Variants in NTNG1 observed in about 807,000 individuals in gnomAD.
NTNG1 encodes netrin-G1.
Under a neutral mutation model 54.0 loss-of-function variants are expected in NTNG1, and 16 were observed. The observed-to-expected ratio is 0.30, with a 90% CI of 0.20 to 0.45. The LOEUF (loss-of-function observed/expected upper bound fraction) is 0.45, where lower values mean the gene tolerates loss of function less well. NTNG1 is among the 20% of genes least tolerant of loss of function. NTNG1 has a pLI of 1.00. For synonymous variants in NTNG1, 255 were observed against 263.1 expected, an observed-to-expected ratio of 0.97 and a Z score of 0.30; for missense variants, 530 against 678.7, an observed-to-expected ratio of 0.78 and a Z score of 2.43.
At chr1:107,277,004 A>T (rs1363764632) in intron 2 of NTNG1, among the ~76,000 whole-genome samples, 1 of 152,142 alleles carries the variant, frequency 6.6e-6, no homozygotes, top group Non-Finnish European at 1.5e-5. Context: ...GGAGGCTGGG[A>T]AATTTGTCAG....
chr1:107,238,762 C>T (rs1292439915), intron 2 of NTNG1, among the ~76,000 whole-genome samples: 1 of 151,688 alleles, frequency 6.6e-6, no homozygotes, highest in Non-Finnish European at 1.5e-5. Context: ...GAGGTCTCCC[C>T]AGCCATGTGG....
intron 2 of NTNG1, among the ~76,000 whole-genome samples, chr1:107,241,308 A>G (rs887135664): frequency 1.2e-4 from 19 of 152,180 alleles, no homozygotes; most frequent in Non-Finnish European, 2.8e-4. Context: ...CTGCATAATG[A>G]CATTTGCTCT....
At chr1:107,288,412 A>G (rs368666272) in intron 2 of NTNG1, among the ~76,000 whole-genome samples, 2 of 152,206 alleles carry the variant, frequency 1.3e-5, no homozygotes, top group African/African-American at 4.8e-5. Flanking sequence ...AGGCATTTGC[A>G]TTGAAGTACA....
rs544367274 is a variant in NTNG1, at chr1:107,278,607, A to G, written c.247-45675A>G. Among the ~76,000 whole-genome samples the G allele has an allele frequency of 3.7e-4, 57 of 152,246 alleles. No individual in the cohort carries two copies. In the South Asian group the frequency reaches 0.012, roughly 31 times the overall value. On this transcript the variant is annotated intron_variant, in intron 2 of 7. Coordinates refer to ENST00000370068, the MANE Select transcript of NTNG1 (RefSeq NM_001113226.3). ...TTTAGGCTTTTCTGTTTTTGTTCTT[A>G]TGGTGAATTTATCTCCATAACCTCT... is the stretch of plus-strand genomic sequence containing the variant.
At chr1:107,185,606 T>C (rs1180077251) in intron 2 of NTNG1, among the ~76,000 whole-genome samples, 1 of 152,180 alleles carries the variant, frequency 6.6e-6, no homozygotes, top group Non-Finnish European at 1.5e-5. Context: ...TGGCTATGAA[T>C]TTTTGTGGGA....
chr1:107,480,503 T>C (rs981562996), intron 7 of NTNG1, 108 bp from the exon 8 acceptor site: 15 of 697,618 alleles, frequency 2.2e-5, no homozygotes, highest in Admixed American at 1.2e-4. Flanking sequence ...CAAAGATCGA[T>C]AGAGATTTTT....
chr1:107,419,110 C>T (rs950903820), intron 5 of NTNG1, among the ~76,000 whole-genome samples: 2 of 151,800 alleles, frequency 1.3e-5, no homozygotes, highest in African/African-American at 4.8e-5. Flanking sequence ...TATTGACTTG[C>T]AAAAATTTGG....
intron 3 of NTNG1, among the ~76,000 whole-genome samples, chr1:107,332,474 C>A (rs1162140894): frequency 6.6e-6 from 1 of 152,086 alleles, no homozygotes; most frequent in African/African-American, 2.4e-5. Context: ...CATGCCCAAA[C>A]AATGGGAGGC....
At chr1:107,200,730 T>C (rs1305339079) in intron 2 of NTNG1, among the ~76,000 whole-genome samples, 1 of 151,902 alleles carries the variant, frequency 6.6e-6, no homozygotes, top group African/African-American at 2.4e-5. Context: ...TGATTTTCTA[T>C]TTGAAAAATC....
At chr1:107,381,591 T>G (rs1671651125) in intron 3 of NTNG1, among the ~76,000 whole-genome samples, 1 of 152,208 alleles carries the variant, frequency 6.6e-6, no homozygotes, top group Non-Finnish European at 1.5e-5. Context: ...TTGTTTTGCA[T>G]CCAGTCTAGC....
chr1:107,449,600 CA>C (rs1360476620), intron 7 of NTNG1, among the ~76,000 whole-genome samples: 1 of 151,776 alleles, frequency 6.6e-6, no homozygotes, highest in Non-Finnish European at 1.5e-5. Context: ...CCTAGATGGT[CA>C]GTGATTTCTG....
chr1:107,351,074 T>G (rs1669569413), intron 3 of NTNG1, among the ~76,000 whole-genome samples: 1 of 152,264 alleles, frequency 6.6e-6, no homozygotes, highest in Non-Finnish European at 1.5e-5. Flanking sequence ...TGTTTATACA[T>G]GTCAAATTAT....
intron 7 of NTNG1, among the ~76,000 whole-genome samples, chr1:107,448,937 A>G (rs1019552256): frequency 1.3e-5 from 2 of 152,138 alleles, no homozygotes; most frequent in African/African-American, 4.8e-5. Context: ...TTATGAATAT[A>G]TCAAAAGGAA....
chr1:107,283,048 A>G (rs1299406868), intron 2 of NTNG1, among the ~76,000 whole-genome samples: 2 of 152,014 alleles, frequency 1.3e-5, no homozygotes, highest in Non-Finnish European at 1.5e-5. Flanking sequence ...TCACCTCTCA[A>G]AGGCCCCACT....
At chr1:107,224,619 C>T (rs768735516) in intron 2 of NTNG1, among the ~76,000 whole-genome samples, 2 of 152,076 alleles carry the variant, frequency 1.3e-5, no homozygotes, top group Admixed American at 6.6e-5. Flanking sequence ...TTGTTGGTCC[C>T]TAGAGCGTTT....
intron 2 of NTNG1, among the ~76,000 whole-genome samples, chr1:107,315,264 C>G (rs1667270024): frequency 6.6e-6 from 1 of 152,140 alleles, no homozygotes; most frequent in African/African-American, 2.4e-5. Flanking sequence ...ACTCCTCGCA[C>G]CCCGTATCAA....
chr1:107,360,440 A>G (rs187680052), intron 3 of NTNG1, among the ~76,000 whole-genome samples: 16 of 152,300 alleles, frequency 1.1e-4, no homozygotes, highest in Admixed American at 6.5e-4. Flanking sequence ...TAGAAAGTAC[A>G]GTATGGAATA....
chr1:107,324,817 A>T lies in NTNG1; in HGVS notation c.782A>T (p.Asp261Val). 1 of 1,613,514 alleles carries T rather than the reference A, an allele frequency of 6.2e-7. No homozygotes were observed. ...CTCAGAGATTTCTTTACAGTCACAG[A>T]CCTGAGGATAAGGCTGTTAAGACCA... ...KKLRDFFTVT[D>V]LRIRLLRPAV... is the part of the protein sequence containing the mutation. Residue 261 changes from aspartate to valine, a missense_variant, in exon 3 of 8, where the codon GAC becomes GTC. Transcript: ENST00000370068.
intron 2 of NTNG1, among the ~76,000 whole-genome samples, chr1:107,239,187 GA>G (rs1366463454): frequency 1.8e-4 from 27 of 152,300 alleles, no homozygotes; most frequent in African/African-American, 6.0e-4. Flanking sequence ...TAACAGATAA[GA>G]AGCTGAGCAA....
Sources: allele counts gnomAD v4.1 joint callset (sites outside exome capture counted in the v4.1 genomes callset), GRCh38; gene constraint gnomAD v4.1.1; transcripts MANE v1.5; gene names NCBI Gene and HGNC (gene_info 2026-07-23, HGNC 2026-07-21).